The following SCHIP1 variants were observed in gnomAD, a reference collection of about 807,000 sequenced individuals.
SCHIP1 encodes schwannomin interacting protein 1.
Under a neutral mutation model 29.7 loss-of-function variants are expected in SCHIP1, and 8 were observed. The observed-to-expected ratio is 0.27, with a 90% CI of 0.16 to 0.49. SCHIP1 has a LOEUF of 0.49. Ranked by LOEUF, SCHIP1 falls within the 20% of genes least tolerant of loss-of-function variation. SCHIP1 has a pLI of 0.99. For synonymous variants in SCHIP1, 76 were observed against 94.9 expected, an observed-to-expected ratio of 0.80 and a Z score of 1.16; for missense variants, 193 against 294.6, an observed-to-expected ratio of 0.66 and a Z score of 2.52.
At chr3:159,700,492 T>G in the SCHIP1 span, among the ~76,000 whole-genome samples, 8 of 152,260 alleles carry the variant, frequency 5.3e-5, no homozygotes, top group South Asian at 1.7e-3. Flanking sequence ...TGTAGGTAAG[T>G]GTTCACTGCT....
chr3:159,736,718 G>T, the SCHIP1 span, among the ~76,000 whole-genome samples: 1 of 151,378 alleles, frequency 6.6e-6, no homozygotes, highest in Admixed American at 6.6e-5. Flanking sequence ...ACCTACCCTT[G>T]TAATACAAGC....
the SCHIP1 span, among the ~76,000 whole-genome samples, chr3:159,400,806 C>A: frequency 6.6e-6 from 1 of 152,194 alleles, no homozygotes; most frequent in Non-Finnish European, 1.5e-5. Flanking sequence ...TCATTTGGGG[C>A]TCCAATGTTG....
chr3:159,740,328 T>C, the SCHIP1 span, among the ~76,000 whole-genome samples: 5 of 152,184 alleles, frequency 3.3e-5, no homozygotes. Flanking sequence ...TAGGTGCCTC[T>C]GCAATCAGGA....
the SCHIP1 span, among the ~76,000 whole-genome samples, chr3:159,378,428 G>A: frequency 6.6e-6 from 1 of 152,302 alleles, no homozygotes; most frequent in Admixed American, 6.5e-5. Flanking sequence ...TGACTCTTGG[G>A]TGGTTGTTTT....
At chr3:159,410,640 A>C in the SCHIP1 span, among the ~76,000 whole-genome samples, 2 of 152,112 alleles carry the variant, frequency 1.3e-5, no homozygotes, top group African/African-American at 4.8e-5. Context: ...GCTGGGGAGG[A>C]TATGGAGAAA....
the SCHIP1 span, among the ~76,000 whole-genome samples, chr3:159,682,817 C>T: frequency 1.3e-5 from 2 of 152,050 alleles, no homozygotes; most frequent in Non-Finnish European, 2.9e-5. Flanking sequence ...TTATATATTC[C>T]ACTGATGCCT....
chr3:159,576,169 C>A, the SCHIP1 span, among the ~76,000 whole-genome samples: 1 of 152,104 alleles, frequency 6.6e-6, no homozygotes, highest in Non-Finnish European at 1.5e-5. Flanking sequence ...TGCTAATTAT[C>A]CTGATTTGAT....
At chr3:159,315,573 A>G in the SCHIP1 span, among the ~76,000 whole-genome samples, 1 of 151,876 alleles carries the variant, frequency 6.6e-6, no homozygotes, top group Non-Finnish European at 1.5e-5. Context: ...TCATAATTAT[A>G]TCAGTTCTAA....
the SCHIP1 span, among the ~76,000 whole-genome samples, chr3:159,787,573 G>A: frequency 6.6e-6 from 1 of 152,178 alleles, no homozygotes; most frequent in Admixed American, 6.5e-5. Context: ...TCTGCTATAT[G>A]AAATAAGAAA....
the SCHIP1 span, among the ~76,000 whole-genome samples, chr3:159,298,233 C>G: frequency 2.6e-5 from 4 of 152,274 alleles, no homozygotes; most frequent in Admixed American, 2.6e-4. Flanking sequence ...TATTTTTCTT[C>G]CCCCAATTTA....
At chr3:159,300,676 CA>C in the SCHIP1 span, among the ~76,000 whole-genome samples, 1 of 152,202 alleles carries the variant, frequency 6.6e-6, no homozygotes, top group African/African-American at 2.4e-5. Context: ...TCAGGCCTTG[CA>C]AAGTCCTGCT....
chr3:159,890,779 T>G (rs981903933), intron 5 of SCHIP1, among the ~76,000 whole-genome samples: 7 of 152,168 alleles, frequency 4.6e-5, no homozygotes, highest in Admixed American at 4.6e-4. Flanking sequence ...ATTTTTTTTT[T>G]TGGGGGGCTC....
the SCHIP1 span, among the ~76,000 whole-genome samples, chr3:159,611,889 G>A: frequency 1.3e-5 from 2 of 151,804 alleles, no homozygotes; most frequent in African/African-American, 4.8e-5. Context: ...CCTCTCCTCG[G>A]TGTCTTTCTC....
the SCHIP1 span, among the ~76,000 whole-genome samples, chr3:159,782,316 A>T: frequency 6.6e-6 from 1 of 152,336 alleles, no homozygotes; most frequent in South Asian, 2.1e-4. Flanking sequence ...GGAATCACAG[A>T]GAGAGTGCGT....
At chr3:159,842,394 A>G (rs574369053) in intron 1 of SCHIP1, among the ~76,000 whole-genome samples, 1 of 152,272 alleles carries the variant, frequency 6.6e-6, no homozygotes, top group East Asian at 1.9e-4. Context: ...TATTGTCATC[A>G]TAATTACAGC....
At chr3:159,511,623 A>T in the SCHIP1 span, among the ~76,000 whole-genome samples, 5 of 151,816 alleles carry the variant, frequency 3.3e-5, no homozygotes, top group Admixed American at 6.6e-5. Context: ...ACCCTGAGCC[A>T]TTATAATTTT....
At chr3:159,750,294 TATACAC>T in the SCHIP1 span, among the ~76,000 whole-genome samples, 23 of 136,178 alleles carry the variant, frequency 1.7e-4, no homozygotes, top group East Asian at 4.3e-4. Flanking sequence ...TATATATATA[TATACAC>T]ACACACACAC....
chr3:159,646,124 A>G, the SCHIP1 span, among the ~76,000 whole-genome samples: 1 of 152,164 alleles, frequency 6.6e-6, no homozygotes, highest in South Asian at 2.1e-4. Flanking sequence ...CAAAAACTCC[A>G]CAGAGCACAA....
the SCHIP1 span, among the ~76,000 whole-genome samples, chr3:159,563,992 C>T: frequency 2.6e-5 from 4 of 152,138 alleles, no homozygotes; most frequent in Admixed American, 6.6e-5. Flanking sequence ...CCCATTCTCC[C>T]GTTCCTAACA....
Sources: gnomAD v4.1 joint callset for allele counts (sites outside exome capture counted in the v4.1 genomes callset) on GRCh38, gnomAD v4.1.1 for gene constraint, MANE v1.5 for transcripts, NCBI Gene and HGNC (gene_info 2026-07-23, HGNC 2026-07-21) for gene names.